The following ARID1A variants were observed in gnomAD, a reference collection of about 807,000 sequenced individuals.
ARID1A encodes AT-rich interactive domain-containing protein 1A.
In ARID1A, 20 loss-of-function variants were observed where a neutral mutation model predicts 212.6. The observed-to-expected ratio is 0.09, with a 90% CI of 0.07 to 0.14. ARID1A has a LOEUF of 0.14. ARID1A is among the 10% of genes least tolerant of loss of function. The pLI is 1.00. For synonymous variants in ARID1A, 1,376 were observed against 1,222.1 expected (o/e 1.13, Z -2.63); for missense variants, 2,587 against 3,059.0 (o/e 0.85, Z 3.64).
At chr1:26,697,635 G>T in intron 1 of ARID1A, 95 bp downstream of exon 1, 4 of 1,172,554 alleles carry the variant, frequency 3.4e-6, no homozygotes, top group South Asian at 3.4e-5. Context: ...GCTCCCCTCA[G>T]TCCCGGGCCC....
intron 11 of ARID1A, chr1:26,770,807 T>C: frequency 3.1e-6 from 1 of 327,168 alleles, no homozygotes; most frequent in Non-Finnish European, 5.6e-6. Context: ...TCCAGATGAT[T>C]TGTACACCAC....
rs1223302281 is a variant in ARID1A, at chr1:26,771,725, TAATG to T, written c.3406+404_3406+407del. ...TGAATTCCCCAGGGAGCTGAGATGG[TAATG>T]AATGGGAAGGAGGGAGTGGGGAAGG... On this transcript the variant is annotated intron_variant, in intron 12 of 19. Transcript: ENST00000324856. This position sits in a 1 kb window ranked among gnomAD's most constrained non-coding sequence, Gnocchi z 5.4. 1 of 212,424 alleles carries T rather than the reference TAATG, an allele frequency of 4.7e-6. No individual in the cohort carries two copies. Among genetic ancestry groups the T allele is most frequent in the African/African-American group, 2.3e-5 (1 of 42,978 alleles). 13.2% of individuals were successfully genotyped at this position (212,424 alleles called of 1,614,324 possible).
rs750423886 is a variant in ARID1A, at chr1:26,767,917, C to G, written c.3116C>G (p.Thr1039Arg). The G allele has an allele frequency of 6.2e-7, 1 of 1,614,146 alleles. No individual in the cohort carries two copies. The highest frequency in any genetic ancestry group is 1.1e-5 in the South Asian group (1 of 91,080). The change falls in exon 11 of 20, where the codon ACA becomes AGA. Residue 1039 changes from threonine (T) to arginine (R), a missense_variant. Thr to Arg is a moderately conservative substitution (Grantham distance 71, BLOSUM62 -1). This residue lies in a region of ARID1A where 44 missense variants were observed against 99.5 expected (regional missense o/e 0.44). Coordinates refer to ENST00000324856, the MANE Select transcript of ARID1A (RefSeq NM_006015.6). ...AFTEEKAMGMTNLPAVGRKPL... is the reference protein window; with the variant it reads ...AFTEEKAMGMRNLPAVGRKPL... Reference sequence around the variant, plus strand: ...ACTGAGGAGAAGGCCATGGGCATGACAAATCTGCCTGCTGTGGGTAGGAAA... The same window carrying G: ...ACTGAGGAGAAGGCCATGGGCATGAGAAATCTGCCTGCTGTGGGTAGGAAA...
At chr1:26,699,805 T>C (rs570804000) in intron 1 of ARID1A, among the ~76,000 whole-genome samples, 1 of 152,290 alleles carries the variant, frequency 6.6e-6, no homozygotes, top group East Asian at 1.9e-4. Flanking sequence ...AAAAGCAAAA[T>C]TGATTGGAAT....
Position 26,696,485 on chromosome 1 carries a change from G to A in ARID1A, c.82G>A (p.Glu28Lys). 1.6e-6 allele frequency: 2 copies of A among 1,249,052 alleles called. No individual in the cohort carries two copies. Among genetic ancestry groups the A allele is most frequent in the Non-Finnish European group, 2.0e-6 (2 of 999,518 alleles). The allele number at this position is 1,249,052 out of a possible 1,614,324, so 77.4% of individuals were successfully genotyped here. The change falls in exon 1 of 20, where the codon GAG becomes AAG. Residue 28 changes from glutamate to lysine, a missense_variant. Transcript: ENST00000324856. ...GCCGCCCTCGGAGCTGAAGAAAGCCGAGCAGCAGCAGCGGGAGGAGGCGGG... is the reference window on the plus strand; with the variant it reads ...GCCGCCCTCGGAGCTGAAGAAAGCCAAGCAGCAGCAGCGGGAGGAGGCGGG... ...PPPPSELKKA[E>K]QQQREEAGGE...
At position 26,731,253 on chromosome 1, in the gene ARID1A, C is replaced by G. The variant is rs1049214262; in HGVS notation, c.1452C>G (p.Pro484=). Residue 484 remains proline, a synonymous_variant, in exon 3 of 20, where the codon CCC becomes CCG. Transcript: ENST00000324856. ...CTCACCCTCAGCAGCAGCAGCCACC[C>G]TACTCCCAGCAACCACCGTCCCAGA... ...QSPHPQQQQP[P]YSQQPPSQTP... 3 of 1,613,932 alleles carry G rather than the reference C, an allele frequency of 1.9e-6. No homozygotes were observed. Among genetic ancestry groups the G allele is most frequent in the African/African-American group, 1.3e-5 (1 of 74,956 alleles).
chr1:26,715,280 G>T (rs2080491421), intron 1 of ARID1A, among the ~76,000 whole-genome samples: 2 of 152,196 alleles, frequency 1.3e-5, no homozygotes, highest in South Asian at 4.1e-4. Flanking sequence ...GATGCATTTA[G>T]AACAAAAGTT....
chr1:26,732,620 A>G, intron 3 of ARID1A, 56 bp from the exon 4 acceptor site: 1 of 1,390,708 alleles, frequency 7.2e-7, no homozygotes, highest in Non-Finnish European at 1.0e-6. Flanking sequence ...CAGTGAAGTA[A>G]GCCTGCCTGG....
rs774665228 is a variant in ARID1A, at chr1:26,775,051, C to T, written c.4824C>T (p.His1608=). Residue 1608 remains histidine (H), a synonymous_variant, in exon 18 of 20, where the codon CAC becomes CAT. Transcript: ENST00000324856. The stretch of plus-strand genomic sequence containing the variant: ...CTCCTAGCAAGTCTCCATTCCTGCA[C>T]TCTGGGATGAAAATGCAGAAGGCAG... ...RTSPSKSPFL[H]SGMKMQKAGP... The T allele has an allele frequency of 4.3e-6, 7 of 1,613,410 alleles. No individual in the cohort carries two copies. In the East Asian group the frequency reaches 1.3e-4, roughly 31 times the overall value.
At chr1:26,742,611 T>C (rs1257389045) in intron 4 of ARID1A, among the ~76,000 whole-genome samples, 1 of 152,152 alleles carries the variant, frequency 6.6e-6, no homozygotes, top group Admixed American at 6.5e-5. Flanking sequence ...TCTAAGTGAT[T>C]CATGTGTCTA....
At chr1:26,773,937 C>A (rs753485261) in intron 17 of ARID1A, 39 bp downstream of exon 17, 2 of 1,596,382 alleles carry the variant, frequency 1.3e-6, no homozygotes, top group East Asian at 2.2e-5. Flanking sequence ...CATGCAGGTT[C>A]GCCTTGAAAA....
intron 4 of ARID1A, among the ~76,000 whole-genome samples, chr1:26,736,278 A>T (rs972495691): frequency 1.4e-5 from 2 of 145,262 alleles, no homozygotes; most frequent in South Asian, 2.2e-4. Context: ...TTGAGCCGAG[A>T]TCACACCACT....
At chr1:26,744,298 C>A (rs896823061) in intron 4 of ARID1A, among the ~76,000 whole-genome samples, 1 of 152,226 alleles carries the variant, frequency 6.6e-6, no homozygotes, top group Non-Finnish European at 1.5e-5. Flanking sequence ...TTTCCTGTTT[C>A]TATTCTAGTC....
At position 26,780,333 on chromosome 1, in the gene ARID1A, G is replaced by A. The variant is rs1283625794; in HGVS notation, c.6435G>A (p.Glu2145=). Residue 2145 remains glutamate (E), a synonymous_variant, in exon 20 of 20, where the codon GAG becomes GAA. Coordinates refer to ENST00000324856, the MANE Select transcript of ARID1A (RefSeq NM_006015.6). This position sits in a 1 kb window ranked among gnomAD's most constrained non-coding sequence, Gnocchi z 7.2. ...CCACACCCCCCTTCAGCCGCCTGGA[G>A]AAGTTGTATAGCACTATGGTGCGCT... ...ILATPPFSRL[E]KLYSTMVRFL... 1 of 1,614,130 alleles carries A rather than the reference G, an allele frequency of 6.2e-7. No individual in the cohort carries two copies. Among genetic ancestry groups the A allele is most frequent in the African/African-American group, 1.3e-5 (1 of 74,944 alleles).
In ARID1A at chr1:26,696,291, C is replaced by T; in HGVS notation, c.-113C>T. ...CGCAGCAGCGGAGCCCCGCGAGGCCCGCCCGGGCGGGTGGGGAGGGCAGCC... is the reference window on the plus strand; with the variant it reads ...CGCAGCAGCGGAGCCCCGCGAGGCCTGCCCGGGCGGGTGGGGAGGGCAGCC... On this transcript the variant is annotated 5_prime_UTR_variant, in exon 1 of 20. Coordinates refer to ENST00000324856, the MANE Select transcript of ARID1A (RefSeq NM_006015.6). 7 of 1,167,522 alleles carry T rather than the reference C, an allele frequency of 6.0e-6. No individual in the cohort carries two copies. The highest frequency in any genetic ancestry group is 7.4e-6 in the Non-Finnish European group (7 of 944,680). 72.3% of individuals were successfully genotyped at this position (1,167,522 alleles called of 1,614,324 possible).
intron 4 of ARID1A, among the ~76,000 whole-genome samples, chr1:26,743,344 T>C (rs1049678353): frequency 1.2e-4 from 19 of 152,208 alleles, no homozygotes; most frequent in African/African-American, 4.6e-4. Context: ...ATTTTCATAT[T>C]GGCATAGCCT....
intron 1 of ARID1A, among the ~76,000 whole-genome samples, chr1:26,718,856 C>T (rs1212351421): frequency 6.6e-6 from 1 of 152,136 alleles, no homozygotes; most frequent in Non-Finnish European, 1.5e-5. Context: ...TACATGCATA[C>T]CTATGATAAA....
chr1:26,721,750 A>T (rs1478269352), intron 1 of ARID1A, among the ~76,000 whole-genome samples: 1 of 152,204 alleles, frequency 6.6e-6, no homozygotes, highest in Admixed American at 6.5e-5. Flanking sequence ...GGGATTCATT[A>T]GTTTGATGCT....
At chr1:26,745,552 A>G (rs987886870) in intron 4 of ARID1A, among the ~76,000 whole-genome samples, 5 of 152,180 alleles carry the variant, frequency 3.3e-5, no homozygotes, top group African/African-American at 1.2e-4. Context: ...GCCCAACAGA[A>G]TATTTACAAT....
Sources: gnomAD v4.1 joint callset for allele counts (sites outside exome capture counted in the v4.1 genomes callset) on GRCh38, gnomAD v4.1.1 for gene constraint, gnomAD v4.1.1 regional missense constraint, Gnocchi (gnomAD v3.1) non-coding constraint, MANE v1.5 for transcripts, NCBI Gene and HGNC (gene_info 2026-07-23, HGNC 2026-07-21) for gene names.